The following PRP4K variants were observed in gnomAD, a reference collection of about 807,000 sequenced individuals.
PRP4K encodes serine/threonine-protein kinase PRP4 homolog.
the PRP4K span, among the ~76,000 whole-genome samples, chr6:4,027,562 G>T: frequency 8.6e-6 from 1 of 115,922 alleles, no homozygotes; most frequent in Admixed American, 1.3e-4. Flanking sequence ...TATTTATCTA[G>T]CATCTATACA....
chr6:4,060,571 C>T, the PRP4K span: 2 of 1,613,890 alleles, frequency 1.2e-6, no homozygotes, highest in Non-Finnish European at 1.7e-6. This position sits in a 1 kb window ranked among gnomAD's most constrained non-coding sequence, Gnocchi z 4.7. Flanking sequence ...AACGAATTAG[C>T]ATCAACCAGG....
the PRP4K span, among the ~76,000 whole-genome samples, chr6:4,044,386 T>C: frequency 1.3e-5 from 2 of 152,304 alleles, no homozygotes; most frequent in South Asian, 4.2e-4. Context: ...TTCCACTTTT[T>C]GGTTACCCCA....
At chr6:4,026,562 C>G in the PRP4K span, among the ~76,000 whole-genome samples, 1 of 152,102 alleles carries the variant, frequency 6.6e-6, no homozygotes, top group East Asian at 1.9e-4. Context: ...TTGGGCCTCC[C>G]AAAGTGCTGG....
chr6:4,029,478 A>T, the PRP4K span, among the ~76,000 whole-genome samples: 2 of 149,958 alleles, frequency 1.3e-5, no homozygotes, highest in African/African-American at 2.5e-5. Flanking sequence ...TGAATAGCTA[A>T]TTTTTTTTAT....
chr6:4,025,153 A>G, the PRP4K span, among the ~76,000 whole-genome samples: 1 of 152,234 alleles, frequency 6.6e-6, no homozygotes, highest in Non-Finnish European at 1.5e-5. Context: ...ATACACATCC[A>G]CTTGGCTAAA....
the PRP4K span, among the ~76,000 whole-genome samples, chr6:4,033,479 T>C: frequency 6.6e-6 from 1 of 152,196 alleles, no homozygotes; most frequent in East Asian, 1.9e-4. Context: ...ATGTATATAA[T>C]TTACGTAGGA....
the PRP4K span, among the ~76,000 whole-genome samples, chr6:4,055,951 T>C: frequency 3.3e-5 from 5 of 152,254 alleles, no homozygotes; most frequent in African/African-American, 4.8e-5. Context: ...TTAAGTCTGA[T>C]TCCTTAGTTA....
chr6:4,042,508 G>GTAGAT, the PRP4K span: 1 of 1,611,352 alleles, frequency 6.2e-7, no homozygotes, highest in Non-Finnish European at 8.5e-7. Context: ...TTGATGTAGA[G>GTAGAT]GAAGAAGATG....
chr6:4,052,440 G>A, the PRP4K span, among the ~76,000 whole-genome samples: 1 of 152,160 alleles, frequency 6.6e-6, no homozygotes, highest in Non-Finnish European at 1.5e-5. Flanking sequence ...GTTTTCAGAT[G>A]TGAATCTATT....
At chr6:4,021,671 C>T in the PRP4K span, among the ~76,000 whole-genome samples, 1 of 152,194 alleles carries the variant, frequency 6.6e-6, no homozygotes, top group African/African-American at 2.4e-5. Flanking sequence ...GGGGTGAAGG[C>T]GGCCGCGGCC....
At chr6:4,048,519 C>T in the PRP4K span, among the ~76,000 whole-genome samples, 1 of 151,472 alleles carries the variant, frequency 6.6e-6, no homozygotes, top group Non-Finnish European at 1.5e-5. Flanking sequence ...AATGGTATAA[C>T]AGCTATAGAA....
At chr6:4,035,408 A>T in the PRP4K span, among the ~76,000 whole-genome samples, 1 of 146,964 alleles carries the variant, frequency 6.8e-6, no homozygotes, top group East Asian at 2.0e-4. Context: ...TGGCCTCCCA[A>T]AGTGTTGGGA....
chr6:4,053,228 C>G, the PRP4K span, among the ~76,000 whole-genome samples: 23 of 152,148 alleles, frequency 1.5e-4, no homozygotes, highest in Admixed American at 1.4e-3. Context: ...CCGTACTCTT[C>G]TGTTTGCTAA....
the PRP4K span, among the ~76,000 whole-genome samples, chr6:4,048,498 A>C: frequency 1.0e-3 from 140 of 138,988 alleles, 1 homozygote; most frequent in Admixed American, 3.7e-3. Context: ...TATGGGAAGA[A>C]TGGTATAACA....
chr6:4,024,272 G>A, the PRP4K span, among the ~76,000 whole-genome samples: 1 of 152,104 alleles, frequency 6.6e-6, no homozygotes, highest in Non-Finnish European at 1.5e-5. Context: ...GGGAGTCTGA[G>A]GCAGGAGGAT....
chr6:4,047,479 C>T, the PRP4K span, among the ~76,000 whole-genome samples: 2 of 152,090 alleles, frequency 1.3e-5, no homozygotes, highest in African/African-American at 4.8e-5. Flanking sequence ...AAGTCAAACA[C>T]CAAATGATAA....
At chr6:4,030,700 G>T in the PRP4K span, among the ~76,000 whole-genome samples, 1 of 152,172 alleles carries the variant, frequency 6.6e-6, no homozygotes, top group Non-Finnish European at 1.5e-5. Context: ...GGGAAACTGA[G>T]TTCTCATTTG....
At chr6:4,052,914 A>G in the PRP4K span, 3 of 1,533,792 alleles carry the variant, frequency 2.0e-6, no homozygotes, top group Non-Finnish European at 1.8e-6. Context: ...TCTTGAACAT[A>G]CATTTCACTT....
At chr6:4,048,596 T>C in the PRP4K span, among the ~76,000 whole-genome samples, 6 of 152,016 alleles carry the variant, frequency 3.9e-5, no homozygotes, top group African/African-American at 1.2e-4. Context: ...TCTCCCTCTG[T>C]CCTAGACTAA....
Sources: allele counts gnomAD v4.1 joint callset (sites outside exome capture counted in the v4.1 genomes callset), GRCh38; gene constraint gnomAD v4.1.1; non-coding constraint Gnocchi (gnomAD v3.1); transcripts MANE v1.5; gene names NCBI Gene and HGNC (gene_info 2026-07-23, HGNC 2026-07-21).